The following ZNF536 variants were observed in gnomAD, a reference collection of about 807,000 sequenced individuals.
ZNF536 encodes the protein zinc finger protein 536.
Under a neutral mutation model 84.5 loss-of-function variants are expected in ZNF536, and 13 were observed. The ratio of observed to expected loss-of-function variants is 0.15; its 90% CI spans 0.10 to 0.24. The LOEUF (loss-of-function observed/expected upper bound fraction) is 0.24. ZNF536 is among the 10% of genes least tolerant of loss of function. ZNF536 has a pLI of 1.00. For synonymous variants in ZNF536, 811 were observed against 742.5 expected (o/e 1.09, Z -1.50); for missense variants, 1,536 against 1,747.5 (o/e 0.88, Z 2.16).
chr19:30,516,979 C>T (rs913401133), intron 2 of ZNF536, among the ~76,000 whole-genome samples: 1 of 152,098 alleles, frequency 6.6e-6, no homozygotes, highest in Non-Finnish European at 1.5e-5. Flanking sequence ...GTCACTGTCC[C>T]CTTGGCTCAG....
At chr19:30,672,403 G>A (rs549729673) in intron 1 of ZNF536, among the ~76,000 whole-genome samples, 2 of 152,304 alleles carry the variant, frequency 1.3e-5, no homozygotes, top group African/African-American at 2.4e-5. Flanking sequence ...GCGAATTGGT[G>A]AACATGTAAA....
chr19:30,595,900 G>C (rs2047446715), intron 1 of ZNF536, among the ~76,000 whole-genome samples: 1 of 152,142 alleles, frequency 6.6e-6, no homozygotes, highest in Non-Finnish European at 1.5e-5. Flanking sequence ...GGAGGAAGAG[G>C]GACAACTCCT....
intron 2 of ZNF536, among the ~76,000 whole-genome samples, chr19:30,332,879 T>C (rs1466121487): frequency 6.6e-6 from 1 of 152,188 alleles, no homozygotes; most frequent in Non-Finnish European, 1.5e-5. Context: ...CCAGGAGCTC[T>C]AGACCAGCTT....
At chr19:30,241,333 G>A (rs554714331) in intron 1 of ZNF536, among the ~76,000 whole-genome samples, 1 of 152,268 alleles carries the variant, frequency 6.6e-6, no homozygotes, top group East Asian at 1.9e-4. Context: ...AAACAAAAAC[G>A]AAACCCAAAT....
In ZNF536 at chr19:30,480,770, T is replaced by C. The variant is rs149031439; in HGVS notation, c.2170+35038T>C. On this transcript the variant is annotated intron_variant, in intron 2 of 4. Coordinates refer to ENST00000355537, the MANE Select transcript of ZNF536 (RefSeq NM_014717.3). The stretch of plus-strand genomic sequence containing the variant: ...GGCTTTTTAGCCTGGGCACAGTGGC[T>C]CATGCCTGTAATCCCACCACTTTGG... Among the ~76,000 whole-genome samples the C allele has an allele frequency of 1.1e-3, 163 of 152,312 alleles. 2 individuals are homozygous for C. The highest frequency in any genetic ancestry group is 3.7e-3 in the African/African-American group (154 of 41,572).
chr19:30,471,750 C>T (rs184558529), intron 2 of ZNF536, among the ~76,000 whole-genome samples: 189 of 152,334 alleles, frequency 1.2e-3, no homozygotes, highest in African/African-American at 4.1e-3. Flanking sequence ...AAAACTTGAC[C>T]GGAGGTCTGC....
intron 1 of ZNF536, among the ~76,000 whole-genome samples, chr19:30,646,688 C>T (rs925239144): frequency 3.3e-5 from 5 of 152,210 alleles, no homozygotes; most frequent in African/African-American, 7.2e-5. Flanking sequence ...CCCTTTTGGT[C>T]GCAGTCTCGT....
chr19:30,703,096 T>C (rs1377691775), intron 1 of ZNF536, among the ~76,000 whole-genome samples: 1 of 152,052 alleles, frequency 6.6e-6, no homozygotes, highest in Non-Finnish European at 1.5e-5. Context: ...GGCAGCTGCA[T>C]GGAGGCCTGG....
intron 1 of ZNF536, among the ~76,000 whole-genome samples, chr19:30,688,100 CA>C (rs1227508280): frequency 6.6e-6 from 1 of 151,558 alleles, no homozygotes; most frequent in Non-Finnish European, 1.5e-5. Flanking sequence ...ACCCAGAAAA[CA>C]CGGAGATTAG....
At chr19:30,509,708 T>G (rs961165426) in intron 2 of ZNF536, among the ~76,000 whole-genome samples, 3 of 152,164 alleles carry the variant, frequency 2.0e-5, no homozygotes, top group African/African-American at 7.2e-5. Flanking sequence ...TAAAATTCAT[T>G]TAGCATGAAT....
intron 2 of ZNF536, among the ~76,000 whole-genome samples, chr19:30,465,231 C>T (rs575119520): frequency 2.6e-5 from 4 of 152,248 alleles, no homozygotes; most frequent in Admixed American, 2.6e-4. Context: ...TTGCCTGCTG[C>T]TCTCTCAGGC....
intron 2 of ZNF536, among the ~76,000 whole-genome samples, chr19:30,452,283 C>G (rs1485746002): frequency 6.6e-6 from 1 of 152,250 alleles, no homozygotes; most frequent in African/African-American, 2.4e-5. Context: ...TCTGGCCGCC[C>G]AGATCCCTTC....
chr19:30,404,197 G>A (rs2050171954), intron 1 of ZNF536, among the ~76,000 whole-genome samples: 2 of 152,196 alleles, frequency 1.3e-5, no homozygotes, highest in Admixed American at 6.5e-5. Context: ...TCAGACCTGG[G>A]TTGGGCACAA....
intron 1 of ZNF536, among the ~76,000 whole-genome samples, chr19:30,610,753 A>AGT (rs2048075071): frequency 1.3e-5 from 2 of 151,812 alleles, no homozygotes; most frequent in East Asian, 1.9e-4. Context: ...ATTGCTGCAG[A>AGT]GTGTGTGTGT....
intron 1 of ZNF536, among the ~76,000 whole-genome samples, chr19:30,390,944 C>A (rs2049563679): frequency 6.6e-6 from 1 of 152,214 alleles, no homozygotes; most frequent in South Asian, 2.1e-4. Flanking sequence ...CTCAACACAG[C>A]ACTTTATAAA....
Position 30,557,436 on chromosome 19 carries a change from A to C in ZNF536, c.*272A>C. 2 of 332,652 alleles carry C rather than the reference A, an allele frequency of 6.0e-6. No individual in the cohort carries two copies. The highest frequency in any genetic ancestry group is 1.1e-5 in the Non-Finnish European group (2 of 183,124). The allele number at this position is 332,652 out of a possible 1,614,324, so 20.6% of individuals were successfully genotyped here. Reference sequence around the variant, plus strand: ...CTTAGTAACTTGAGCAGGAGAGAAAACTCCCTCAAAGTCATAAATCCTGAG... The same window carrying C: ...CTTAGTAACTTGAGCAGGAGAGAAACCTCCCTCAAAGTCATAAATCCTGAG... On this transcript the variant is annotated 3_prime_UTR_variant, in exon 5 of 5. Coordinates refer to ENST00000355537, the MANE Select transcript of ZNF536 (RefSeq NM_014717.3).
At position 30,548,977 on chromosome 19, in the gene ZNF536, G is replaced by A. The variant is rs1338946571; in HGVS notation, c.3358G>A (p.Gly1120Ser). 3.7e-6 allele frequency: 6 copies of A among 1,614,152 alleles called. No individual in the cohort carries two copies. ...CTACAAGCAGTTTGGTGTTTACCCA[G>A]GCATGGTTGGCTCAGGGGCCTCCAG... is the stretch of plus-strand genomic sequence containing the variant. ...DFYKQFGVYP[G>S]MVGSGASSSC... Residue 1120 changes from glycine (G) to serine (S), a missense_variant, in exon 4 of 5, where the codon GGC becomes AGC. By Grantham distance (56) the Gly-to-Ser change is moderately conservative. This residue lies in a region of ZNF536 where 624 missense variants were observed against 603.1 expected (regional missense o/e 1.03). Coordinates refer to ENST00000355537, the MANE Select transcript of ZNF536 (RefSeq NM_014717.3).
intron 2 of ZNF536, among the ~76,000 whole-genome samples, chr19:30,349,127 C>CT (rs898039910): frequency 8.5e-5 from 13 of 152,228 alleles, no homozygotes; most frequent in African/African-American, 3.1e-4. Context: ...TCAGTCCAGA[C>CT]TTCTTTTGGT....
At chr19:30,668,348 G>A (rs1052374526) in intron 1 of ZNF536, among the ~76,000 whole-genome samples, 1 of 152,104 alleles carries the variant, frequency 6.6e-6, no homozygotes, top group African/African-American at 2.4e-5. Flanking sequence ...GGCCAATCAG[G>A]GGCCCCTTCT....
Sources: gnomAD v4.1 joint callset for allele counts (sites outside exome capture counted in the v4.1 genomes callset) on GRCh38, gnomAD v4.1.1 for gene constraint, gnomAD v4.1.1 regional missense constraint, MANE v1.5 for transcripts, NCBI Gene and HGNC (gene_info 2026-07-23, HGNC 2026-07-21) for gene names.